EFHC1: variants seen among roughly 807,000 people sequenced by gnomAD.
EFHC1 encodes the protein EF-hand domain-containing protein 1.
A neutral mutation model predicts 69.9 loss-of-function variants in EFHC1; 53 were observed. The ratio of observed to expected loss-of-function variants is 0.76; its 90% CI spans 0.61 to 0.95. The LOEUF is 0.95. EFHC1 is among the 40% of genes least tolerant of loss of function. EFHC1 has a pLI of 0.00. For missense variants in EFHC1, 739 were observed against 798.7 expected (o/e 0.93, Z 0.90); for synonymous variants, 256 against 278.4 (o/e 0.92, Z 0.80).
chr6:52,433,353 T>G (rs926680912), intron 2 of EFHC1, among the ~76,000 whole-genome samples: 2 of 152,212 alleles, frequency 1.3e-5, no homozygotes, highest in African/African-American at 4.8e-5. Flanking sequence ...TCAGATTCTT[T>G]TGTCCCACGG....
chr6:52,462,968 A>G (rs966003429), intron 5 of EFHC1, among the ~76,000 whole-genome samples: 1 of 151,812 alleles, frequency 6.6e-6, no homozygotes, highest in African/African-American at 2.4e-5. Flanking sequence ...ATGCCAATAA[A>G]TTTAAAAACT....
chr6:52,439,265 C>G (rs1764605749), intron 3 of EFHC1, among the ~76,000 whole-genome samples: 1 of 152,132 alleles, frequency 6.6e-6, no homozygotes, highest in Admixed American at 6.6e-5. Flanking sequence ...AAAAATATTT[C>G]TAGCAGCAAA....
chr6:52,447,525 G>A (rs536061653), intron 3 of EFHC1, among the ~76,000 whole-genome samples: 1 of 152,192 alleles, frequency 6.6e-6, no homozygotes, highest in East Asian at 1.9e-4. Context: ...CCTTTAGCTC[G>A]GAGAAGTTTG....
At chr6:52,434,668 C>T (rs755978265) in intron 2 of EFHC1, among the ~76,000 whole-genome samples, 4 of 152,120 alleles carry the variant, frequency 2.6e-5, no homozygotes, top group Non-Finnish European at 2.9e-5. Context: ...CTGCTCTGCC[C>T]GTCTGAGTGG....
intron 10 of EFHC1, 116 bp from the exon 11 acceptor site, chr6:52,492,154 A>G (rs532719425): frequency 3.3e-6 from 3 of 913,636 alleles, no homozygotes; most frequent in African/African-American, 3.3e-5. Context: ...TGAGGATACA[A>G]AAATTCTGAA....
chr6:52,453,245 T>C, intron 4 of EFHC1: 3 of 1,289,532 alleles, frequency 2.3e-6, no homozygotes, highest in Non-Finnish European at 3.0e-6. Context: ...TAGGTTGTAA[T>C]GTTAAAATGT....
At chr6:52,479,324 A>C in intron 8 of EFHC1, 74 bp downstream of exon 8, 4 of 1,506,830 alleles carry the variant, frequency 2.7e-6, no homozygotes, top group Non-Finnish European at 3.7e-6. Flanking sequence ...AATTCATTTA[A>C]CCCTGTAAGA....
chr6:52,454,028 G>C, intron 4 of EFHC1, 67 bp from the exon 5 acceptor site: 4 of 1,608,128 alleles, frequency 2.5e-6, no homozygotes, highest in Non-Finnish European at 2.5e-6. Context: ...ATACATAATT[G>C]CCAAAGTAGC....
Position 52,464,899 on chromosome 6 carries a change from C to T in EFHC1, c.921C>T (p.Asn307=). 1.2e-6 allele frequency: 2 copies of T among 1,613,552 alleles called. No individual in the cohort carries two copies. The highest frequency in any genetic ancestry group is 1.7e-6 in the Non-Finnish European group (2 of 1,179,462). ...TCTAACACCATCTTATATTAGAGAACTTCCCTCAGTGTGTGCTAGAAATCT... is the reference window on the plus strand; with the variant it reads ...TCTAACACCATCTTATATTAGAGAATTTCCCTCAGTGTGTGCTAGAAATCT... ...VPKVLVENAK[N]FPQCVLEISD... is the part of the protein sequence containing the mutation. Residue 307 remains asparagine, a synonymous_variant, in exon 6 of 11, where the codon AAC becomes AAT. Coordinates refer to ENST00000371068, the MANE Select transcript of EFHC1 (RefSeq NM_018100.4).
In EFHC1 at chr6:52,454,273, T is replaced by A. The variant is rs766799564; in HGVS notation, c.902T>A (p.Leu301Ter). 1.2e-6 allele frequency: 2 copies of A among 1,614,136 alleles called. No homozygotes were observed. The highest frequency in any genetic ancestry group is 4.5e-5 in the East Asian group (2 of 44,884). Residue 301 changes from leucine (L) to a stop codon, truncating the protein, a stop_gained, in exon 5 of 11, where the codon TTG (leucine) becomes TAG (stop). Coordinates refer to ENST00000371068, the MANE Select transcript of EFHC1 (RefSeq NM_018100.4). LOFTEE classifies it high-confidence loss of function. ...LMNRQRVPKV[L>*]VENAKNFPQC... ...AACCGCCAGCGTGTGCCCAAAGTTTTGGTGGAAAATGCAAGTATGTTTGAT... is the reference window on the plus strand; with the variant it reads ...AACCGCCAGCGTGTGCCCAAAGTTTAGGTGGAAAATGCAAGTATGTTTGAT...
chr6:52,454,010 C>T (rs1420736551), intron 4 of EFHC1, 85 bp from the exon 5 acceptor site: 6 of 1,605,944 alleles, frequency 3.7e-6, no homozygotes, highest in Non-Finnish European at 4.2e-6. Flanking sequence ...CTAGTCTTTC[C>T]ATCGTTGATA....
At position 52,493,878 on chromosome 6, in the gene EFHC1, G is replaced by A. The variant is rs1350916742; in HGVS notation, c.*1537G>A. The A allele has an allele frequency of 2.2e-6, 1 of 453,978 alleles. No individual in the cohort carries two copies. Among genetic ancestry groups the A allele is most frequent in the African/African-American group, 2.0e-5 (1 of 49,998 alleles). 28.1% of individuals were successfully genotyped at this position (453,978 alleles called of 1,614,324 possible). A position where few individuals can be genotyped will look rare whatever the true frequency, so the allele number is the denominator to read the frequency against. ...GTATGAATGAGGATAGAGTTACACA[G>A]AATTCAGACTGCTTTGCCCTCTCAG... On this transcript the variant is annotated 3_prime_UTR_variant, in exon 11 of 11. Coordinates refer to ENST00000371068, the MANE Select transcript of EFHC1 (RefSeq NM_018100.4).
At chr6:52,439,347 T>C (rs1225984863) in intron 3 of EFHC1, among the ~76,000 whole-genome samples, 1 of 152,174 alleles carries the variant, frequency 6.6e-6, no homozygotes, top group South Asian at 2.1e-4. Flanking sequence ...ATTTTTACCA[T>C]GCACTGAGCT....
chr6:52,472,382 T>TA (rs553358093), intron 7 of EFHC1, among the ~76,000 whole-genome samples: 1 of 152,206 alleles, frequency 6.6e-6, no homozygotes, highest in South Asian at 2.1e-4. Context: ...AATAAACAAG[T>TA]ATATGGATTG....
In EFHC1 at chr6:52,434,465, GGT is replaced by G. The variant is rs564531114; in HGVS notation, c.286-3832_286-3831del. Among the ~76,000 whole-genome samples the G allele has an allele frequency of 4.1e-3, 618 of 152,262 alleles. 3 individuals carry two copies. The highest frequency in any genetic ancestry group is 0.015 in the South Asian group (73 of 4,820). On this transcript the variant is annotated intron_variant, in intron 2 of 10. Transcript: ENST00000371068. ...CTAGACCTTCAGGTTCCTCAGTGGG[GGT>G]GTGTGTTCGGGGACAGATGATCTCC...
Position 52,496,879 on chromosome 6 carries a change from A to ATCTT in EFHC1, c.*4540_*4543dup, listed in dbSNP as rs1562469901. On this transcript the variant is annotated 3_prime_UTR_variant, in exon 11 of 11. Coordinates refer to ENST00000371068, the MANE Select transcript of EFHC1 (RefSeq NM_018100.4). ...CCTGTAACTGCACTCATCTTTTGAG[A>ATCTT]TCTTTTTCCAAAGAAAGATGGTTCT... 6.6e-6 allele frequency: 1 copy of ATCTT among 152,196 alleles called. No homozygotes were observed. The highest frequency in any genetic ancestry group is 1.9e-4 in the East Asian group (1 of 5,204). The allele number at this position is 152,196 out of a possible 1,614,324, so 9.4% of individuals were successfully genotyped here. A position where few individuals can be genotyped will look rare whatever the true frequency, so the allele number is the denominator to read the frequency against.
At chr6:52,489,325 C>T (rs989138437) in intron 9 of EFHC1, 3 of 152,140 alleles carry the variant, frequency 2.0e-5, no homozygotes, top group South Asian at 2.1e-4. Context: ...GGATCAGTCA[C>T]TCGGGTCTTC....
At chr6:52,459,069 G>A (rs1765104889) in intron 5 of EFHC1, among the ~76,000 whole-genome samples, 1 of 152,180 alleles carries the variant, frequency 6.6e-6, no homozygotes, top group Non-Finnish European at 1.5e-5. Context: ...GACTCCAAAA[G>A]GAAGAAGTAA....
intron 10 of EFHC1, among the ~76,000 whole-genome samples, chr6:52,491,545 T>C (rs1362542672): frequency 6.8e-6 from 1 of 146,180 alleles, no homozygotes; most frequent in Non-Finnish European, 1.6e-5. Context: ...AAAGTGCTTT[T>C]ATAAATATGG....
Sources: gnomAD v4.1 joint callset for allele counts (sites outside exome capture counted in the v4.1 genomes callset) on GRCh38, gnomAD v4.1.1 for gene constraint, MANE v1.5 for transcripts, NCBI Gene and HGNC (gene_info 2026-07-23, HGNC 2026-07-21) for gene names.